ZNF536: variants seen among roughly 807,000 people sequenced by gnomAD.
ZNF536 encodes the protein zinc finger protein 536.
ZNF536 carries 13 observed loss-of-function variants against 84.5 expected under a neutral mutation model. That is an observed-to-expected ratio of 0.15 (90% CI 0.10 to 0.24). The LOEUF is 0.24. Ranked by LOEUF, ZNF536 falls within the 10% of genes least tolerant of loss-of-function variation. ZNF536 has a pLI of 1.00. For synonymous variants in ZNF536, 811 were observed against 742.5 expected (o/e 1.09, Z -1.50); for missense variants, 1,536 against 1,747.5 (o/e 0.88, Z 2.16).
chr19:30,341,631 C>T (rs74256444), intron 2 of ZNF536, among the ~76,000 whole-genome samples: 1 of 152,086 alleles, frequency 6.6e-6, no homozygotes, highest in African/African-American at 2.4e-5. Flanking sequence ...CCCCCCTCAT[C>T]TCTTTGTGCA....
intron 1 of ZNF536, among the ~76,000 whole-genome samples, chr19:30,399,714 C>T (rs1326201739): frequency 2.4e-5 from 3 of 126,870 alleles, no homozygotes; most frequent in African/African-American, 3.0e-5. Flanking sequence ...GAGTTTTGCT[C>T]TGTCACCTAG....
chr19:30,424,923 A>C (rs979787947), intron 1 of ZNF536, among the ~76,000 whole-genome samples: 1 of 152,108 alleles, frequency 6.6e-6, no homozygotes, highest in Non-Finnish European at 1.5e-5. Context: ...TTCCCACCCA[A>C]CGCTTCTGGA....
intron 2 of ZNF536, among the ~76,000 whole-genome samples, chr19:30,500,299 G>A (rs1429484218): frequency 2.0e-5 from 3 of 152,046 alleles, no homozygotes; most frequent in Non-Finnish European, 4.4e-5. Context: ...TGGGATGAAT[G>A]TGGGTCTCAC....
intron 1 of ZNF536, among the ~76,000 whole-genome samples, chr19:30,633,571 T>C (rs1159222942): frequency 1.3e-5 from 2 of 152,236 alleles, no homozygotes; most frequent in African/African-American, 2.4e-5. Context: ...CATTCTGCTC[T>C]CTGCTTCTAT....
intron 1 of ZNF536, among the ~76,000 whole-genome samples, chr19:30,566,789 G>T (rs919193909): frequency 6.7e-6 from 1 of 149,650 alleles, no homozygotes; most frequent in Non-Finnish European, 1.5e-5. Context: ...CCTGCCTGTG[G>T]CCTCTCCGGA....
intron 3 of ZNF536, among the ~76,000 whole-genome samples, chr19:30,360,269 C>T (rs1049058779): frequency 2.6e-5 from 4 of 152,206 alleles, no homozygotes; most frequent in African/African-American, 9.7e-5. Flanking sequence ...GATTTCTGTA[C>T]TCTCCCTTCA....
At chr19:30,711,122 G>A (rs2052441814) in exon 2 of ZNF536, 1 of 150,836 alleles carries the variant, frequency 6.6e-6, no homozygotes, top group African/African-American at 2.4e-5. Context: ...ATAGTGTATA[G>A]AACATTTAAA....
At chr19:30,533,848 G>A (rs55723308) in intron 2 of ZNF536, among the ~76,000 whole-genome samples, 14,422 of 152,262 alleles carry the variant, frequency 0.095, 949 homozygotes, top group Non-Finnish European at 0.14. Flanking sequence ...GCTCTGTGGG[G>A]ATGTCCATGA....
chr19:30,385,422 T>A (rs1436531754), intron 1 of ZNF536, among the ~76,000 whole-genome samples: 1 of 152,080 alleles, frequency 6.6e-6, no homozygotes, highest in Admixed American at 6.5e-5. Context: ...TGTCTCCCTG[T>A]GGGCTGGGTA....
intron 4 of ZNF536, 61 bp from the exon 5 acceptor site, chr19:30,557,096 C>T (rs2146368830): frequency 6.3e-7 from 1 of 1,595,120 alleles, no homozygotes; most frequent in Non-Finnish European, 8.6e-7. Context: ...CCCTTGCTTT[C>T]AAATGCCTCT....
At chr19:30,363,112 A>G (rs1196511450) in intron 3 of ZNF536, among the ~76,000 whole-genome samples, 2 of 152,034 alleles carry the variant, frequency 1.3e-5, no homozygotes, top group Non-Finnish European at 2.9e-5. Flanking sequence ...AAAAACTTTG[A>G]CGTGGCTCTC....
intron 1 of ZNF536, among the ~76,000 whole-genome samples, chr19:30,374,776 C>G (rs2048744246): frequency 6.6e-6 from 1 of 151,524 alleles, no homozygotes; most frequent in Non-Finnish European, 1.5e-5. Context: ...TGGAGGGAGG[C>G]CGGGGGAGCT....
rs11881971 is a variant in ZNF536 at position 30,694,909 on chromosome 19, C to A, written c.170-15848C>A. ...GAGGGCAAGAGTGAGGAGGGCAGGG[C>A]GTGGTTCTTGGAGATGTGATTGGGA... On this transcript the variant is annotated intron_variant, in intron 1 of 1. Coordinates refer to the ZNF536 transcript ENST00000592773. Among the ~76,000 whole-genome samples, 729 of 152,140 alleles carry A rather than the reference C, an allele frequency of 4.8e-3. 10 individuals are homozygous for A. The highest frequency in any genetic ancestry group is 0.017 in the African/African-American group (695 of 41,478).
intron 1 of ZNF536, among the ~76,000 whole-genome samples, chr19:30,599,550 G>C (rs981625761): frequency 7.2e-6 from 1 of 138,194 alleles, no homozygotes; most frequent in African/African-American, 2.7e-5. Context: ...CTATTCATTC[G>C]CATATCCACT....
chr19:30,240,733 G>T (rs997538491), intron 1 of ZNF536, among the ~76,000 whole-genome samples: 1 of 152,244 alleles, frequency 6.6e-6, no homozygotes, highest in African/African-American at 2.4e-5. Flanking sequence ...ACCGTCTCCT[G>T]AAGGGTATGA....
chr19:30,565,998 C>A (rs2046334336), intron 1 of ZNF536, among the ~76,000 whole-genome samples: 1 of 152,140 alleles, frequency 6.6e-6, no homozygotes, highest in Non-Finnish European at 1.5e-5. Context: ...AGGCTGTGAC[C>A]ACCAACAAAC....
intron 2 of ZNF536, among the ~76,000 whole-genome samples, chr19:30,352,185 C>T (rs1438929794): frequency 6.6e-6 from 1 of 152,190 alleles, no homozygotes; most frequent in Non-Finnish European, 1.5e-5. Context: ...TATTTAGCTT[C>T]TTGTCTACAG....
At chr19:30,279,860 T>C (rs1428532179) in intron 1 of ZNF536, among the ~76,000 whole-genome samples, 1 of 152,182 alleles carries the variant, frequency 6.6e-6, no homozygotes, top group African/African-American at 2.4e-5. Context: ...CCGGACTGGC[T>C]TTCTCTCCAA....
At chr19:30,453,891 T>G (rs1242881382) in intron 2 of ZNF536, among the ~76,000 whole-genome samples, 1 of 151,912 alleles carries the variant, frequency 6.6e-6, no homozygotes, top group Non-Finnish European at 1.5e-5. Flanking sequence ...AGCCTTGGGG[T>G]TTTTGTGTGA....
Sources: allele counts gnomAD v4.1 joint callset (sites outside exome capture counted in the v4.1 genomes callset), GRCh38; gene constraint gnomAD v4.1.1; transcripts MANE v1.5; gene names NCBI Gene and HGNC (gene_info 2026-07-23, HGNC 2026-07-21).